The following ADCK1 variants were observed in gnomAD, a reference collection of about 807,000 sequenced individuals.
ADCK1 encodes the protein aarF domain-containing protein kinase 1.
ADCK1 carries 41 observed loss-of-function variants against 52.3 expected under a neutral mutation model. The observed-to-expected ratio is 0.78, with a 90% CI of 0.61 to 1.02. The LOEUF is 1.02. Among genes scored for constraint, ADCK1 ranks in the 50% least tolerant of loss-of-function variants. The pLI, the probability that ADCK1 is intolerant of heterozygous loss-of-function variation, is 0.00. For missense variants in ADCK1, 658 were observed against 679.5 expected, an observed-to-expected ratio of 0.97 and a Z score of 0.35; for synonymous variants, 250 against 274.6, an observed-to-expected ratio of 0.91 and a Z score of 0.89.
chr14:77,862,177 CT>C (rs886579660), intron 4 of ADCK1, among the ~76,000 whole-genome samples: 27 of 152,170 alleles, frequency 1.8e-4, no homozygotes, highest in Admixed American at 6.6e-5. Context: ...AAGAAACTTA[CT>C]TTTTTTCCTT....
At chr14:77,920,265 A>T (rs1461083908) in intron 7 of ADCK1, among the ~76,000 whole-genome samples, 1 of 152,032 alleles carries the variant, frequency 6.6e-6, no homozygotes, top group East Asian at 1.9e-4. Context: ...ATCCATTTTC[A>T]GTTGATTTTT....
At chr14:77,896,844 A>G (rs2083420655) in intron 5 of ADCK1, among the ~76,000 whole-genome samples, 1 of 152,232 alleles carries the variant, frequency 6.6e-6, no homozygotes, top group African/African-American at 2.4e-5. Flanking sequence ...CTACAGCCAA[A>G]TGTAATTAAA....
At chr14:77,812,906 T>C (rs904386087) in intron 1 of ADCK1, among the ~76,000 whole-genome samples, 6 of 152,120 alleles carry the variant, frequency 3.9e-5, no homozygotes, top group African/African-American at 1.4e-4. Context: ...TCTTTTTATT[T>C]ACAAAGTCAC....
At chr14:77,822,567 C>T in intron 3 of ADCK1, 49 bp downstream of exon 3, 2 of 1,456,838 alleles carry the variant, frequency 1.4e-6, no homozygotes, top group East Asian at 2.3e-5. Flanking sequence ...CTGGATAACC[C>T]TTGAACTGCT....
intron 4 of ADCK1, among the ~76,000 whole-genome samples, chr14:77,886,378 T>A (rs1437345964): frequency 6.6e-6 from 1 of 152,174 alleles, no homozygotes; most frequent in Non-Finnish European, 1.5e-5. Context: ...GGGCCCACAT[T>A]CTGTTAATGC....
intron 4 of ADCK1, among the ~76,000 whole-genome samples, chr14:77,860,529 G>A (rs995490264): frequency 1.3e-5 from 2 of 152,200 alleles, no homozygotes; most frequent in Admixed American, 1.3e-4. Flanking sequence ...GGCCTGGAGC[G>A]GGGGTTGGAT....
chr14:77,805,193 T>TGA (rs1279336892), intron 1 of ADCK1, among the ~76,000 whole-genome samples: 4 of 122,078 alleles, frequency 3.3e-5, no homozygotes, highest in Non-Finnish European at 6.5e-5. Context: ...GCAACAAGAG[T>TGA]GAGACTCTGT....
intron 4 of ADCK1, among the ~76,000 whole-genome samples, chr14:77,862,048 C>T (rs979332769): frequency 5.3e-5 from 8 of 152,188 alleles, no homozygotes; most frequent in Admixed American, 1.3e-4. Context: ...GACCTCATGT[C>T]CTCTAATTCC....
intron 3 of ADCK1, 58 bp downstream of exon 3, chr14:77,822,576 C>T (rs969687888): frequency 7.1e-7 from 1 of 1,413,196 alleles, no homozygotes; most frequent in Non-Finnish European, 1.0e-6. Flanking sequence ...CCTTGAACTG[C>T]TATGCTCTAG....
chr14:77,931,716 G>T lies in ADCK1; in HGVS notation c.1400+5G>T. Reference sequence around the variant, plus strand: ...CTGCATCAGAGCGCTAGCTGAGTGAGTGTGGGCTCCTCCCTCTCCTCCCCT... The same window carrying T: ...CTGCATCAGAGCGCTAGCTGAGTGATTGTGGGCTCCTCCCTCTCCTCCCCT... On this transcript the variant is annotated splice_donor_5th_base_variant and intron_variant, in intron 10 of 10. Transcript: ENST00000238561. 6.3e-7 allele frequency: 1 copy of T among 1,599,202 alleles called. No homozygotes were observed. The highest frequency in any genetic ancestry group is 8.5e-7 in the Non-Finnish European group (1 of 1,177,908).
At chr14:77,840,315 G>C (rs1390951739) in intron 3 of ADCK1, among the ~76,000 whole-genome samples, 1 of 151,962 alleles carries the variant, frequency 6.6e-6, no homozygotes, top group African/African-American at 2.4e-5. Flanking sequence ...TCTTCTGGAG[G>C]CTCTAGGGGA....
At chr14:77,819,190 A>T in intron 2 of ADCK1, 77 bp downstream of exon 2, 2 of 1,561,872 alleles carry the variant, frequency 1.3e-6, no homozygotes, top group Non-Finnish European at 1.8e-6. Flanking sequence ...GCAGATAGAC[A>T]TGCCTGCTAT....
intron 4 of ADCK1, among the ~76,000 whole-genome samples, chr14:77,862,953 G>A (rs28653270): frequency 0.061 from 9,362 of 152,248 alleles, 346 homozygotes; most frequent in Middle Eastern, 0.12. Flanking sequence ...AGAGATGGAT[G>A]GAATTGGAGG....
At chr14:77,820,668 G>A (rs1194985847) in intron 2 of ADCK1, among the ~76,000 whole-genome samples, 4 of 128,588 alleles carry the variant, frequency 3.1e-5, no homozygotes, top group Admixed American at 8.2e-5. Context: ...GTGTGTGTGT[G>A]TATACACACA....
intron 7 of ADCK1, among the ~76,000 whole-genome samples, chr14:77,921,158 T>G (rs984112448): frequency 1.3e-5 from 2 of 150,546 alleles, no homozygotes; most frequent in African/African-American, 4.9e-5. Context: ...AAACCCTGTC[T>G]CTACTAAAAA....
At chr14:77,871,792 C>T (rs2082784047) in intron 4 of ADCK1, among the ~76,000 whole-genome samples, 1 of 152,186 alleles carries the variant, frequency 6.6e-6, no homozygotes, top group South Asian at 2.1e-4. Flanking sequence ...AGGCCAGCAT[C>T]ATCTCAAAGA....
chr14:77,879,373 C>G (rs901017441), intron 4 of ADCK1, among the ~76,000 whole-genome samples: 7 of 152,196 alleles, frequency 4.6e-5, no homozygotes, highest in Non-Finnish European at 8.8e-5. Context: ...TGCATGAACC[C>G]TGAGAATGTA....
chr14:77,891,581 C>A (rs532404160), intron 5 of ADCK1, among the ~76,000 whole-genome samples: 2 of 152,342 alleles, frequency 1.3e-5, no homozygotes, highest in South Asian at 2.1e-4. Context: ...GCATCACATG[C>A]TTTTCTTGGG....
Position 77,933,217 on chromosome 14 carries a change from C to A in ADCK1, c.1401-3C>A. 1 of 1,609,280 alleles carries A rather than the reference C, an allele frequency of 6.2e-7. No individual in the cohort carries two copies. The highest frequency in any genetic ancestry group is 8.5e-7 in the Non-Finnish European group (1 of 1,176,966). On this transcript the variant is annotated splice_region_variant and splice_polypyrimidine_tract_variant and intron_variant, in intron 10 of 10. Coordinates refer to ENST00000238561, the MANE Select transcript of ADCK1 (RefSeq NM_020421.4). ...TTCTCCTTTTTTCTTTCCCTTTTTCCAGGCACAAGAAGAAGAATACCTGTT... is the reference window on the plus strand; with the variant it reads ...TTCTCCTTTTTTCTTTCCCTTTTTCAAGGCACAAGAAGAAGAATACCTGTT...
Sources: allele counts gnomAD v4.1 joint callset (sites outside exome capture counted in the v4.1 genomes callset), GRCh38; gene constraint gnomAD v4.1.1; transcripts MANE v1.5; gene names NCBI Gene and HGNC (gene_info 2026-07-23, HGNC 2026-07-21).